The following ELOVL5 variants were observed in gnomAD, a reference collection of about 807,000 sequenced individuals.
The protein encoded by ELOVL5 is very long chain fatty acid elongase 5.
Under a neutral mutation model 38.6 loss-of-function variants are expected in ELOVL5, and 8 were observed. That is an observed-to-expected ratio of 0.21 (90% CI 0.12 to 0.37). The LOEUF is 0.37. ELOVL5 is among the 10% of genes least tolerant of loss of function. ELOVL5 has a pLI of 1.00. For missense variants in ELOVL5, 280 were observed against 367.8 expected, an observed-to-expected ratio of 0.76 and a Z score of 1.95; for synonymous variants, 127 against 133.7, an observed-to-expected ratio of 0.95 and a Z score of 0.34.
intron 3 of ELOVL5, among the ~76,000 whole-genome samples, chr6:53,287,005 G>T (rs750459172): frequency 2.0e-4 from 30 of 152,074 alleles, no homozygotes; most frequent in African/African-American, 5.3e-4. Flanking sequence ...TAGGTGCACA[G>T]ATATCATCTA....
intron 1 of ELOVL5, among the ~76,000 whole-genome samples, chr6:53,325,370 C>T (rs1768497143): frequency 6.6e-6 from 1 of 151,940 alleles, no homozygotes; most frequent in Non-Finnish European, 1.5e-5. Context: ...GTCCAAATGT[C>T]ATTTTTTAAA....
rs113219532 is a variant in ELOVL5, at chr6:53,271,960, A to G, written c.622-1233T>C. ...AACTGTGGTATAAATCAATTTCTGC[A>G]TCATTTCTCCTCAAGTATAACAAGG... On this transcript the variant is annotated intron_variant, in intron 6 of 7. Transcript: ENST00000304434. Among the ~76,000 whole-genome samples, 5 of 152,350 alleles carry G rather than the reference A, an allele frequency of 3.3e-5. 2 individuals carry two copies. The highest frequency in any genetic ancestry group is 1.2e-4 in the African/African-American group (5 of 41,576).
At chr6:53,298,999 T>C (rs969477128) in intron 1 of ELOVL5, among the ~76,000 whole-genome samples, 1 of 151,238 alleles carries the variant, frequency 6.6e-6, no homozygotes, top group Admixed American at 6.6e-5. Flanking sequence ...ACTAATTAAA[T>C]ACACAAATAT....
chr6:53,286,956 T>C (rs1338212534), intron 3 of ELOVL5, among the ~76,000 whole-genome samples: 1 of 152,186 alleles, frequency 6.6e-6, no homozygotes, highest in African/African-American at 2.4e-5. Context: ...TTTGTAATGT[T>C]TTCTTATTTA....
intron 3 of ELOVL5, chr6:53,277,144 C>G (rs1474819105): frequency 6.5e-6 from 1 of 153,572 alleles, no homozygotes; most frequent in Non-Finnish European, 1.5e-5. Flanking sequence ...CAGATTCCCC[C>G]CCAGGGAACA....
chr6:53,334,676 A>T (rs1336840525), intron 1 of ELOVL5, among the ~76,000 whole-genome samples: 1 of 152,166 alleles, frequency 6.6e-6, no homozygotes, highest in Non-Finnish European at 1.5e-5. Context: ...ACCAGTTTCC[A>T]TCTGATCTCT....
chr6:53,287,734 A>C, intron 3 of ELOVL5: 1 of 768,918 alleles, frequency 1.3e-6, no homozygotes, highest in Non-Finnish European at 2.2e-6. Flanking sequence ...CTGGGGTTTG[A>C]GTAGAGCTCA....
intron 1 of ELOVL5, among the ~76,000 whole-genome samples, chr6:53,341,591 T>C (rs999984266): frequency 3.3e-4 from 51 of 152,240 alleles, no homozygotes; most frequent in Admixed American, 2.0e-4. Context: ...TTAATACATG[T>C]TGAACACTTC....
rs1190160451 is a variant in ELOVL5, at chr6:53,270,642, A to G, written c.707T>C (p.Ile236Thr). 7 of 1,614,164 alleles carry G rather than the reference A, an allele frequency of 4.3e-6. No individual in the cohort carries two copies. The highest frequency in any genetic ancestry group is 5.9e-6 in the Non-Finnish European group (7 of 1,180,002). Residue 236 changes from isoleucine to threonine, a missense_variant, in exon 7 of 8, where the codon ATT becomes ACT. Physicochemically the swap from Ile to Thr is moderately conservative, Grantham distance 89 (BLOSUM62 -1). Coordinates refer to ENST00000304434, the MANE Select transcript of ELOVL5 (RefSeq NM_021814.5). ...TFPLGWLYFQ[I>T]GYMISLIALF... The stretch of plus-strand genomic sequence containing the variant: ...AGCAATCAGGGAAATCATGTATCCA[A>G]TCTGGAAATACAACCAACCAAGAGG...
chr6:53,269,035 T>C lies in ELOVL5; in HGVS notation c.*92A>G, dbSNP rs1335513228. 1 of 1,448,144 alleles carries C rather than the reference T, an allele frequency of 6.9e-7. No homozygotes were observed. 89.7% of individuals were successfully genotyped at this position (1,448,144 alleles called of 1,614,324 possible). A position where few individuals can be genotyped will look rare whatever the true frequency, so the allele number is the denominator to read the frequency against. The stretch of plus-strand genomic sequence containing the variant: ...TGAATCACACTATTGTAGGCCAGAC[T>C]AGTTACAGCAGCTGTTAACGAGCAT... On this transcript the variant is annotated 3_prime_UTR_variant, in exon 8 of 8. Coordinates refer to ENST00000304434, the MANE Select transcript of ELOVL5 (RefSeq NM_021814.5).
At chr6:53,347,585 T>C (rs1419047449) in intron 1 of ELOVL5, among the ~76,000 whole-genome samples, 1 of 152,178 alleles carries the variant, frequency 6.6e-6, no homozygotes, top group Non-Finnish European at 1.5e-5. Flanking sequence ...CGTACAATTC[T>C]ATGAAGCACT....
At chr6:53,294,143 C>T (rs1766884626) in intron 2 of ELOVL5, 1 of 1,414,228 alleles carries the variant, frequency 7.1e-7, no homozygotes, top group Admixed American at 2.9e-5. Context: ...CACAAATACT[C>T]ATCTTTCCAA....
At chr6:53,277,384 A>G (rs1007153743) in intron 3 of ELOVL5, among the ~76,000 whole-genome samples, 1 of 152,194 alleles carries the variant, frequency 6.6e-6, no homozygotes, top group Admixed American at 6.5e-5. Context: ...AAAGAAGAGC[A>G]CAAGGATTTA....
In ELOVL5 at chr6:53,300,361, G is replaced by A. The variant is rs117169541; in HGVS notation, c.-8-4654C>T. ...CGAGTGCCTACCACATGCTAGGCAC[G>A]GAGACCTGAAGGCCCTGGGATTGCA... On this transcript the variant is annotated intron_variant, in intron 1 of 7. Coordinates refer to ENST00000304434, the MANE Select transcript of ELOVL5 (RefSeq NM_021814.5). Among the ~76,000 whole-genome samples, 4 of 152,194 alleles carry A rather than the reference G, an allele frequency of 2.6e-5. No individual in the cohort carries two copies. The East Asian group carries it at 5.8e-4, about 22-fold the overall frequency.
chr6:53,334,648 C>T (rs1346532704), intron 1 of ELOVL5, among the ~76,000 whole-genome samples: 1 of 152,076 alleles, frequency 6.6e-6, no homozygotes, highest in African/African-American at 2.4e-5. Context: ...TCCTGCATCC[C>T]CAATTCCAAT....
intron 2 of ELOVL5, chr6:53,294,433 T>G: frequency 1.3e-6 from 2 of 1,550,710 alleles, no homozygotes; most frequent in Middle Eastern, 3.3e-4. Context: ...GGAGCTGCTG[T>G]AGCCATCCTA....
At position 53,348,873 on chromosome 6, in the gene ELOVL5, G is replaced by T; in HGVS notation, c.-65C>A. The stretch of plus-strand genomic sequence containing the variant: ...GCAGCAGCAAGGCGGCGGCGGCGGA[G>T]GGAGCGCGGGTGGCAGCCGGCGCAG... On this transcript the variant is annotated 5_prime_UTR_variant, in exon 1 of 8. Coordinates refer to ENST00000304434, the MANE Select transcript of ELOVL5 (RefSeq NM_021814.5). 1 of 456,558 alleles carries T rather than the reference G, an allele frequency of 2.2e-6. No homozygotes were observed. The highest frequency in any genetic ancestry group is 7.2e-5 in the East Asian group (1 of 13,880). 28.3% of individuals were successfully genotyped at this position (456,558 alleles called of 1,614,324 possible).
intron 1 of ELOVL5, among the ~76,000 whole-genome samples, chr6:53,296,949 T>C (rs1767025816): frequency 6.6e-6 from 1 of 152,204 alleles, no homozygotes; most frequent in Non-Finnish European, 1.5e-5. Flanking sequence ...ATAAACTACT[T>C]TATCCACGAA....
intron 1 of ELOVL5, among the ~76,000 whole-genome samples, chr6:53,347,190 CTT>C (rs1769584504): frequency 6.6e-6 from 1 of 152,178 alleles, no homozygotes; most frequent in Non-Finnish European, 1.5e-5. Context: ...AAAATTTCCC[CTT>C]TGTCTTCAAT....
Sources: gnomAD v4.1 joint callset for allele counts (sites outside exome capture counted in the v4.1 genomes callset) on GRCh38, gnomAD v4.1.1 for gene constraint, MANE v1.5 for transcripts, NCBI Gene and HGNC (gene_info 2026-07-23, HGNC 2026-07-21) for gene names.